The following LAMA4 variants were observed in gnomAD, a reference collection of about 807,000 sequenced individuals.
The protein encoded by LAMA4 is laminin subunit alpha-4.
Under a neutral mutation model 207.1 loss-of-function variants are expected in LAMA4, and 127 were observed. The observed-to-expected ratio is 0.61, with a 90% CI of 0.53 to 0.71. The LOEUF (loss-of-function observed/expected upper bound fraction) is 0.71, where lower values mean the gene tolerates loss of function less well. LAMA4 is among the 30% of genes least tolerant of loss of function. The probability of loss-of-function intolerance (pLI) is 0.00; values close to 1 mark genes in which losing one functional copy is unlikely to be tolerated. For missense variants in LAMA4, 2,093 were observed against 2,246.5 expected (o/e 0.93, Z 1.38); for synonymous variants, 761 against 816.0 (o/e 0.93, Z 1.15).
rs1780159275 is a variant in LAMA4, at chr6:112,148,312, T to C, written c.2198A>G (p.Gln733Arg). Residue 733 changes from glutamine to arginine, a missense_variant, in exon 18 of 39, where the codon CAG (glutamine) becomes CGG (arginine). Coordinates refer to ENST00000230538, the MANE Select transcript of LAMA4 (RefSeq NM_001105206.3). Reference sequence around the variant, plus strand: ...GGCTTCCTCGGTGATCAGTCTAGACTGCCCCAGGCGCTGCTGGGCATCCCC... The same window carrying C: ...GGCTTCCTCGGTGATCAGTCTAGACCGCCCCAGGCGCTGCTGGGCATCCCC... The part of the protein sequence containing the change: ...ERGDAQQRLG[Q>R]SRLITEEANR... The C allele has an allele frequency of 1.2e-6, 2 of 1,614,178 alleles. No homozygotes were observed. Among genetic ancestry groups the C allele is most frequent in the Non-Finnish European group, 1.7e-6 (2 of 1,180,026 alleles).
At chr6:112,197,181 A>G (rs1783470327) in intron 5 of LAMA4, among the ~76,000 whole-genome samples, 2 of 152,200 alleles carry the variant, frequency 1.3e-5, no homozygotes, top group Non-Finnish European at 2.9e-5. Context: ...AATACAATAC[A>G]ATGTGGAAAG....
intron 2 of LAMA4, among the ~76,000 whole-genome samples, chr6:112,224,925 C>A (rs998164615): frequency 1.3e-5 from 2 of 149,248 alleles, no homozygotes; most frequent in African/African-American, 4.9e-5. Flanking sequence ...CCCCTGCCTA[C>A]CTTTCTTTCT....
At chr6:112,198,389 A>T (rs1783545490) in intron 5 of LAMA4, among the ~76,000 whole-genome samples, 1 of 152,240 alleles carries the variant, frequency 6.6e-6, no homozygotes, top group African/African-American at 2.4e-5. Flanking sequence ...GCATATTTAG[A>T]AAAGCTCTTT....
chr6:112,224,762 G>A (rs1160248219), intron 2 of LAMA4, among the ~76,000 whole-genome samples: 1 of 146,700 alleles, frequency 6.8e-6, no homozygotes, highest in East Asian at 2.0e-4. Flanking sequence ...GTTGCAGTGA[G>A]CCGAGTTTGC....
At chr6:112,241,136 G>GAATATATATATTCATATATAT (rs1562101883) in intron 2 of LAMA4, among the ~76,000 whole-genome samples, 19 of 61,964 alleles carry the variant, frequency 3.1e-4, no homozygotes, top group South Asian at 5.0e-4. Context: ...TGAATATATA[G>GAATATATATATTCATATATAT]GAATATATAT....
At chr6:112,235,864 G>T (rs1004256346) in intron 2 of LAMA4, among the ~76,000 whole-genome samples, 2 of 152,168 alleles carry the variant, frequency 1.3e-5, no homozygotes, top group African/African-American at 2.4e-5. Flanking sequence ...TGCTTGAAAT[G>T]AAAGAAATGG....
chr6:112,254,294 T>C lies in LAMA4; in HGVS notation c.-141-3A>G. On this transcript the variant is annotated splice_polypyrimidine_tract_variant and splice_region_variant and intron_variant, in intron 1 of 38. Transcript: ENST00000230538. ...CGAGGTGGCTGCGCAACCAGCAGCTTAGGAAATAAAGGGAAAGTGCGAGAG... is the reference window on the plus strand; with the variant it reads ...CGAGGTGGCTGCGCAACCAGCAGCTCAGGAAATAAAGGGAAAGTGCGAGAG... 1 of 993,598 alleles carries C rather than the reference T, an allele frequency of 1.0e-6. No homozygotes were observed. Among genetic ancestry groups the C allele is most frequent in the South Asian group, 1.4e-5 (1 of 70,402 alleles). 61.5% of individuals were successfully genotyped at this position (993,598 alleles called of 1,614,324 possible).
At chr6:112,179,596 T>C (rs1782225363) in intron 9 of LAMA4, 1 of 157,370 alleles carries the variant, frequency 6.4e-6, no homozygotes, top group Admixed American at 6.5e-5. Flanking sequence ...AGGGAAGTGG[T>C]TGTTTTAAAC....
At chr6:112,249,243 G>A (rs563013280) in intron 2 of LAMA4, among the ~76,000 whole-genome samples, 1 of 152,146 alleles carries the variant, frequency 6.6e-6, no homozygotes, top group East Asian at 1.9e-4. Context: ...AGGTGATAGA[G>A]ACTATCTTGG....
chr6:112,201,626 G>A lies in LAMA4; in HGVS notation c.485C>T (p.Ala162Val). ...AVRCICNENY[A>V]GPNCERCAPG... ...GGCTTACCTTTCACAGTTAGGTCCA[G>A]CATAATTTTCGTTACAAATGCACCG... The change falls in exon 5 of 39, where the codon GCT (alanine) becomes GTT (valine). Residue 162 changes from alanine (A) to valine (V), a missense_variant. Around this residue, in one of 3 missense-constraint regions of LAMA4, gnomAD observed 1,704 missense variants for 1,788.4 expected, o/e 0.95. Transcript: ENST00000230538. 6.2e-7 allele frequency: 1 copy of A among 1,613,664 alleles called. No homozygotes were observed. Among genetic ancestry groups the A allele is most frequent in the Non-Finnish European group, 8.5e-7 (1 of 1,179,612 alleles).
intron 2 of LAMA4, among the ~76,000 whole-genome samples, chr6:112,250,300 C>A (rs781900397): frequency 1.3e-5 from 2 of 152,178 alleles, no homozygotes; most frequent in African/African-American, 4.8e-5. Context: ...ATTAAACATT[C>A]TGCAATCTTT....
Position 112,129,931 on chromosome 6 carries a change from T to C in LAMA4, c.4078A>G (p.Ile1360Val), listed in dbSNP as rs1219695312. 1.9e-6 allele frequency: 3 copies of C among 1,612,872 alleles called. No homozygotes were observed. Among genetic ancestry groups the C allele is most frequent in the African/African-American group, 1.3e-5 (1 of 74,896 alleles). Reference sequence around the variant, plus strand: ...GTGAAATTAGCATACTGAGCACTGATTGGTGAGCCACCGAAGTAAAACTTC... The same window carrying C: ...GTGAAATTAGCATACTGAGCACTGACTGGTGAGCCACCGAAGTAAAACTTC... ...EKKFYFGGSP[I>V]SAQYANFTGC... The change falls in exon 30 of 39, where the codon ATC becomes GTC. Residue 1360 changes from isoleucine (I) to valine (V), a missense_variant. Physicochemically the swap from Ile to Val is conservative, Grantham distance 29. Coordinates refer to ENST00000230538, the MANE Select transcript of LAMA4 (RefSeq NM_001105206.3).
intron 23 of LAMA4, 118 bp from the exon 24 acceptor site, chr6:112,139,409 G>T: frequency 1.9e-6 from 2 of 1,072,714 alleles, no homozygotes; most frequent in Non-Finnish European, 2.9e-6. Flanking sequence ...TTTAAATGAA[G>T]TCCTGTTGTC....
chr6:112,167,840 TCACACACACA>T (rs71021873), intron 12 of LAMA4, among the ~76,000 whole-genome samples: 16,468 of 125,742 alleles, frequency 0.13, 1,139 homozygotes, highest in Middle Eastern at 0.21. Context: ...ATGCATACCA[TCACACACACA>T]CACACACACA....
intron 38 of LAMA4, among the ~76,000 whole-genome samples, chr6:112,111,604 ATAAT>A (rs1777700492): frequency 6.6e-6 from 1 of 152,230 alleles, no homozygotes; most frequent in African/African-American, 2.4e-5. Flanking sequence ...TCAAAATGAT[ATAAT>A]TAATTACATT....
intron 6 of LAMA4, 136 bp from the exon 7 acceptor site, chr6:112,189,341 A>C (rs782222542): frequency 1.4e-6 from 1 of 700,480 alleles, no homozygotes; most frequent in Non-Finnish European, 2.6e-6. Flanking sequence ...CTTCCTTCAG[A>C]CTGTGTAGAA....
intron 19 of LAMA4, among the ~76,000 whole-genome samples, chr6:112,143,682 C>T (rs1779846152): frequency 6.6e-6 from 1 of 152,190 alleles, no homozygotes; most frequent in Non-Finnish European, 1.5e-5. Context: ...TGAAAAGCAT[C>T]CCACTTGGGG....
In LAMA4 at chr6:112,130,300, T is replaced by TGTGTGTGTGTGTGTGTGTG. The variant is rs59700559; in HGVS notation, c.3969-261_3969-260insCACACACACACACACACAC. On this transcript the variant is annotated intron_variant, in intron 29 of 38. Transcript: ENST00000230538. ...AGATGACTAGTCATCAGCATTATTT[T>TGTGTGTGTGTGTGTGTGTG]TGTGTGTGTGTGTGTGTGTGTGTGT... 3.7e-4 allele frequency: 143 copies of TGTGTGTGTGTGTGTGTGTG among 382,216 alleles called. 1 individual carries two copies. Among genetic ancestry groups the TGTGTGTGTGTGTGTGTGTG allele is most frequent in the African/African-American group, 3.0e-3 (139 of 46,772 alleles). The allele number at this position is 382,216 out of a possible 1,614,324, so 23.7% of individuals were successfully genotyped here.
chr6:112,216,642 G>T, intron 2 of LAMA4, 173 bp from the exon 3 acceptor site: 1 of 636,802 alleles, frequency 1.6e-6, no homozygotes. Context: ...CTACCATTCA[G>T]TGATAGATGA....
Sources: gnomAD v4.1 joint callset for allele counts (sites outside exome capture counted in the v4.1 genomes callset) on GRCh38, gnomAD v4.1.1 for gene constraint, gnomAD v4.1.1 regional missense constraint, MANE v1.5 for transcripts, NCBI Gene and HGNC (gene_info 2026-07-23, HGNC 2026-07-21) for gene names.